The following FOXP2 variants were observed in gnomAD, a reference collection of about 807,000 sequenced individuals.
The protein encoded by FOXP2 is forkhead box protein P2.
A neutral mutation model predicts 115.8 loss-of-function variants in FOXP2; 12 were observed. The ratio of observed to expected loss-of-function variants is 0.10; its 90% confidence interval spans 0.07 to 0.17. FOXP2 has a LOEUF of 0.17. Among genes scored for constraint, FOXP2 ranks in the 10% least tolerant of loss-of-function variants. The pLI is 1.00. For synonymous variants in FOXP2, 328 were observed against 297.7 expected (o/e 1.10, Z -1.05); for missense variants, 629 against 843.5 (o/e 0.75, Z 3.15).
intron 1 of FOXP2, among the ~76,000 whole-genome samples, chr7:114,237,941 C>T (rs1480787596): frequency 6.6e-6 from 1 of 152,148 alleles, no homozygotes; most frequent in Non-Finnish European, 1.5e-5. Context: ...TGTCACTGCA[C>T]TTCAGCCTGG....
At chr7:114,332,872 G>A (rs1377840931) in intron 2 of FOXP2, among the ~76,000 whole-genome samples, 2 of 152,074 alleles carry the variant, frequency 1.3e-5, no homozygotes, top group Admixed American at 1.3e-4. Context: ...ATCCTAGGAG[G>A]AAAAACATGC....
chr7:114,431,399 T>A (rs539838426), intron 2 of FOXP2, among the ~76,000 whole-genome samples: 2 of 151,838 alleles, frequency 1.3e-5, no homozygotes, highest in African/African-American at 2.4e-5. Flanking sequence ...GAATTTGAGA[T>A]GAGAAATCTG....
chr7:114,331,818 G>T, intron 2 of FOXP2, among the ~76,000 whole-genome samples: 1 of 151,852 alleles, frequency 6.6e-6, no homozygotes, highest in Non-Finnish European at 1.5e-5. Flanking sequence ...GCTAATTTTT[G>T]TATTTTTACT....
At chr7:114,092,523 C>G (rs1460783573) in intron 1 of FOXP2, among the ~76,000 whole-genome samples, 1 of 150,980 alleles carries the variant, frequency 6.6e-6, no homozygotes, top group African/African-American at 2.4e-5. Flanking sequence ...TTTTTCTCAA[C>G]CTTAAAAAAA....
intron 3 of FOXP2, among the ~76,000 whole-genome samples, chr7:114,558,208 A>G (rs1800564677): frequency 1.3e-5 from 2 of 152,218 alleles, no homozygotes; most frequent in South Asian, 4.1e-4. Flanking sequence ...CAACTGGAAG[A>G]AAGAGGAGGT....
At chr7:114,507,629 G>A (rs1797885549) in intron 2 of FOXP2, among the ~76,000 whole-genome samples, 1 of 151,920 alleles carries the variant, frequency 6.6e-6, no homozygotes. Flanking sequence ...TGAAGTTTTG[G>A]TAATAATATT....
chr7:114,603,034 C>A (rs907780949), intron 3 of FOXP2, among the ~76,000 whole-genome samples: 1 of 152,008 alleles, frequency 6.6e-6, no homozygotes, highest in African/African-American at 2.4e-5. Flanking sequence ...GTCACTGTGG[C>A]GTTAATTAGT....
intron 3 of FOXP2, among the ~76,000 whole-genome samples, chr7:114,567,518 T>C (rs1261805899): frequency 2.0e-5 from 3 of 152,170 alleles, no homozygotes; most frequent in African/African-American, 7.2e-5. Context: ...AATTGAAGAA[T>C]AGATTCCTTC....
At chr7:114,562,063 C>T (rs1053401257) in intron 3 of FOXP2, among the ~76,000 whole-genome samples, 1 of 152,134 alleles carries the variant, frequency 6.6e-6, no homozygotes, top group Non-Finnish European at 1.5e-5. Flanking sequence ...ATATAGCCCA[C>T]CACCACCTCC....
At chr7:114,339,807 A>AGAG (rs1491259971) in intron 2 of FOXP2, among the ~76,000 whole-genome samples, 1 of 151,228 alleles carries the variant, frequency 6.6e-6, no homozygotes, top group Non-Finnish European at 1.5e-5. Flanking sequence ...TTTTAAAGTC[A>AGAG]GAGTAAGATA....
chr7:114,512,967 A>C (rs1236016248), intron 2 of FOXP2, among the ~76,000 whole-genome samples: 2 of 152,098 alleles, frequency 1.3e-5, no homozygotes, highest in African/African-American at 2.4e-5. Flanking sequence ...CTGTAGTCCC[A>C]GCTAGTCTGG....
chr7:114,464,407 A>AACC (rs1795717662), intron 2 of FOXP2, among the ~76,000 whole-genome samples: 1 of 152,218 alleles, frequency 6.6e-6, no homozygotes, highest in Admixed American at 6.5e-5. Flanking sequence ...TTGTCCAACT[A>AACC]ACCACACTGT....
rs192737361 is a variant in FOXP2, at chr7:114,612,571, T to C, written c.259-15969T>C. On this transcript the variant is annotated intron_variant, in intron 3 of 16. Transcript: ENST00000350908. ...GTTAAGAATGTTGAAGGTACAGTCC[T>C]ACTCTTTTGAGGGAAATGTGATGAA... 3.3e-5 allele frequency among the ~76,000 whole-genome samples: 5 copies of C among 152,248 alleles called. No homozygotes were observed. The East Asian group carries it at 9.7e-4, about 29-fold the overall frequency.
At chr7:114,269,810 A>C (rs1165125109) in intron 1 of FOXP2, among the ~76,000 whole-genome samples, 4 of 152,094 alleles carry the variant, frequency 2.6e-5, no homozygotes. Flanking sequence ...AAAAAGGATA[A>C]ATTTACAATT....
In FOXP2 at chr7:114,102,733, C is replaced by CA. The variant is rs1491452861; in HGVS notation, c.-247+14895_-247+14896insA. ...ACACACACACACACACACACACACA[C>CA]CCCAATGGTTATTCATATAAATATA... On this transcript the variant is annotated intron_variant, in intron 1 of 19. Transcript: ENST00000635638. 5.7e-5 allele frequency among the ~76,000 whole-genome samples: 8 copies of CA among 140,468 alleles called. No homozygotes were observed. The South Asian group carries it at 6.5e-4, about 11-fold the overall frequency. The allele number at this position is 140,468 out of a possible 152,430, so 92.2% of individuals were successfully genotyped here.
intron 1 of FOXP2, among the ~76,000 whole-genome samples, chr7:114,125,463 C>T (rs938212063): frequency 3.9e-5 from 6 of 152,028 alleles, no homozygotes; most frequent in South Asian, 4.1e-4. Flanking sequence ...TTAAGCCTCA[C>T]GTTAATATGG....
chr7:114,572,210 A>G (rs994058358), intron 3 of FOXP2, among the ~76,000 whole-genome samples: 11 of 151,690 alleles, frequency 7.3e-5, no homozygotes, highest in Non-Finnish European at 1.5e-4. Flanking sequence ...GGAAGCAGCA[A>G]TAACATATCC....
intron 2 of FOXP2, among the ~76,000 whole-genome samples, chr7:114,362,744 A>T (rs1276678185): frequency 1.3e-5 from 2 of 152,006 alleles, no homozygotes; most frequent in African/African-American, 2.4e-5. Context: ...TCGAACTTTT[A>T]AAAAAATATG....
At chr7:114,164,137 A>G (rs1792910977) in intron 1 of FOXP2, among the ~76,000 whole-genome samples, 3 of 152,140 alleles carry the variant, frequency 2.0e-5, no homozygotes, top group Admixed American at 2.0e-4. Flanking sequence ...TTCATGTTTA[A>G]TCTTGTTACG....
Sources: gnomAD v4.1 joint callset for allele counts (sites outside exome capture counted in the v4.1 genomes callset) on GRCh38, gnomAD v4.1.1 for gene constraint, MANE v1.5 for transcripts, NCBI Gene and HGNC (gene_info 2026-07-23, HGNC 2026-07-21) for gene names.